Variants in CSMD1 observed in about 807,000 individuals in gnomAD.
The protein encoded by CSMD1 is CUB and Sushi multiple domains 1, also known as CUB and sushi domain-containing protein 1.
A neutral mutation model predicts 417.5 loss-of-function variants in CSMD1; 213 were observed. That is an observed-to-expected ratio of 0.51 (90% CI 0.46 to 0.57). The LOEUF is 0.57. Ranked by LOEUF, CSMD1 falls within the 20% of genes least tolerant of loss-of-function variation. The probability of loss-of-function intolerance (pLI) is 0.00; values close to 1 mark genes in which losing one functional copy is unlikely to be tolerated. For synonymous variants in CSMD1, 2,862 were observed against 1,736.8 expected (o/e 1.65, Z -16.11); for missense variants, 6,923 against 4,529.7 (o/e 1.53, Z -15.17).
At chr8:3,504,791 T>C (rs1476359867) in intron 10 of CSMD1, among the ~76,000 whole-genome samples, 1 of 152,142 alleles carries the variant, frequency 6.6e-6, no homozygotes, top group African/African-American at 2.4e-5. Context: ...GAAGAAATTG[T>C]GGATGCTTGA....
intron 5 of CSMD1, among the ~76,000 whole-genome samples, chr8:3,897,668 AATT>A (rs1563189223): frequency 1.3e-5 from 2 of 152,084 alleles, no homozygotes; most frequent in Non-Finnish European, 2.9e-5. Flanking sequence ...TTAATAATAG[AATT>A]ATTATTATCA....
At chr8:2,985,779 C>G (rs1023776122) in intron 54 of CSMD1, among the ~76,000 whole-genome samples, 1 of 152,044 alleles carries the variant, frequency 6.6e-6, no homozygotes. Context: ...CAATAGCTGC[C>G]CGGAGCAACA....
At chr8:4,793,472 C>A (rs1000205370) in intron 1 of CSMD1, among the ~76,000 whole-genome samples, 4 of 152,176 alleles carry the variant, frequency 2.6e-5, no homozygotes, top group African/African-American at 4.8e-5. Flanking sequence ...CCTCTCTCCT[C>A]CCCACCATCT....
chr8:3,902,301 G>A (rs140661919), intron 5 of CSMD1, among the ~76,000 whole-genome samples: 10 of 152,116 alleles, frequency 6.6e-5, no homozygotes, highest in South Asian at 2.1e-4. Flanking sequence ...GTCAAATCCT[G>A]TTACTCCAAC....
At chr8:4,135,397 G>C (rs1263754322) in intron 3 of CSMD1, among the ~76,000 whole-genome samples, 2 of 120,698 alleles carry the variant, frequency 1.7e-5, no homozygotes, top group East Asian at 2.6e-4. Flanking sequence ...GGAAGGAAGG[G>C]GAAAGAGGGA....
At chr8:4,728,164 A>G (rs937622344) in intron 1 of CSMD1, among the ~76,000 whole-genome samples, 2 of 147,316 alleles carry the variant, frequency 1.4e-5, no homozygotes, top group African/African-American at 4.9e-5. Flanking sequence ...TATATTTTAT[A>G]TATATATTTA....
chr8:3,584,774 G>C (rs1472002833), intron 9 of CSMD1, among the ~76,000 whole-genome samples: 2 of 152,142 alleles, frequency 1.3e-5, no homozygotes, highest in African/African-American at 2.4e-5. Flanking sequence ...ATAAGAGCAA[G>C]AAAACTATTG....
chr8:4,761,726 G>C (rs1022263831), intron 1 of CSMD1, among the ~76,000 whole-genome samples: 3 of 152,054 alleles, frequency 2.0e-5, no homozygotes, highest in Admixed American at 2.0e-4. Context: ...CTGAAGTAAT[G>C]AATTAGGGCA....
intron 5 of CSMD1, among the ~76,000 whole-genome samples, chr8:3,982,077 G>A (rs1400934593): frequency 6.6e-6 from 1 of 151,668 alleles, no homozygotes; most frequent in East Asian, 1.9e-4. Flanking sequence ...AGAATGGGGT[G>A]AACCTGGGAG....
At chr8:3,168,631 T>TCTCACACACACACACA (rs139915805) in intron 37 of CSMD1, among the ~76,000 whole-genome samples, 4 of 148,804 alleles carry the variant, frequency 2.7e-5, no homozygotes, top group African/African-American at 7.4e-5. Flanking sequence ...TAAGTCTTCA[T>TCTCACACACACACACA]CACACACACA....
chr8:3,091,798 A>T (rs1814968551), intron 47 of CSMD1, 136 bp from the exon 48 acceptor site: 1 of 658,626 alleles, frequency 1.5e-6, no homozygotes, highest in Non-Finnish European at 2.4e-6. Context: ...TGGACAACAA[A>T]TTCCAAATGG....
At chr8:3,365,905 A>G (rs1192882471) in intron 20 of CSMD1, among the ~76,000 whole-genome samples, 2 of 152,224 alleles carry the variant, frequency 1.3e-5, no homozygotes, top group East Asian at 3.9e-4. Flanking sequence ...ATACAGCAGT[A>G]GAGCTGTTGT....
At chr8:3,722,360 G>A (rs183825775) in intron 6 of CSMD1, among the ~76,000 whole-genome samples, 211 of 152,164 alleles carry the variant, frequency 1.4e-3, no homozygotes, top group Non-Finnish European at 2.0e-3. Flanking sequence ...AATCTAAGAC[G>A]AAGTTGAGGG....
chr8:2,991,714 G>A (rs1184781816), intron 54 of CSMD1, among the ~76,000 whole-genome samples: 4 of 152,216 alleles, frequency 2.6e-5, no homozygotes, highest in African/African-American at 9.6e-5. Context: ...CGTTGTGAAA[G>A]TAATAGATGT....
intron 5 of CSMD1, among the ~76,000 whole-genome samples, chr8:3,921,938 T>G (rs1661320070): frequency 6.6e-6 from 1 of 152,174 alleles, no homozygotes; most frequent in South Asian, 2.1e-4. Context: ...TGCTTTCTTA[T>G]TGATTTGATG....
At chr8:3,904,353 C>T (rs1040439096) in intron 5 of CSMD1, among the ~76,000 whole-genome samples, 5 of 152,142 alleles carry the variant, frequency 3.3e-5, no homozygotes, top group African/African-American at 1.2e-4. Context: ...AAATATGTGA[C>T]AGATTCACAC....
At chr8:4,884,857 A>G in intron 1 of CSMD1, among the ~76,000 whole-genome samples, 1 of 151,976 alleles carries the variant, frequency 6.6e-6, no homozygotes, top group East Asian at 1.9e-4. Flanking sequence ...GTTCTCTTGA[A>G]TTTCAACATA....
At chr8:4,154,651 A>G (rs1005987714) in intron 3 of CSMD1, among the ~76,000 whole-genome samples, 1 of 152,232 alleles carries the variant, frequency 6.6e-6, no homozygotes, top group South Asian at 2.1e-4. Flanking sequence ...AAGGAATTGT[A>G]TTCTAGTCCC....
intron 4 of CSMD1, among the ~76,000 whole-genome samples, chr8:4,029,473 C>T (rs954331145): frequency 2.0e-5 from 3 of 152,066 alleles, no homozygotes; most frequent in Non-Finnish European, 4.4e-5. Flanking sequence ...AGAGAAACAC[C>T]CATTTTTAAA....
Sources: allele counts gnomAD v4.1 joint callset (sites outside exome capture counted in the v4.1 genomes callset), GRCh38; gene constraint gnomAD v4.1.1; transcripts MANE v1.5; gene names NCBI Gene and HGNC (gene_info 2026-07-23, HGNC 2026-07-21).